Variants in IPO11 observed in about 807,000 individuals in gnomAD.
The protein encoded by IPO11 is importin 11.
Under a neutral mutation model 143.2 loss-of-function variants are expected in IPO11, and 66 were observed. The ratio of observed to expected loss-of-function variants is 0.46; its 90% CI spans 0.38 to 0.57. The LOEUF (loss-of-function observed/expected upper bound fraction) is 0.57. Among genes scored for constraint, IPO11 ranks in the 20% least tolerant of loss-of-function variants. The pLI, the probability that IPO11 is intolerant of heterozygous loss-of-function variation, is 0.00. For missense variants in IPO11, 1,026 were observed against 1,141.0 expected, an observed-to-expected ratio of 0.90 and a Z score of 1.45; for synonymous variants, 385 against 377.8, an observed-to-expected ratio of 1.02 and a Z score of -0.22.
chr5:62,439,058 CAAA>C (rs201729033), intron 2 of IPO11, among the ~76,000 whole-genome samples: 3 of 73,702 alleles, frequency 4.1e-5, no homozygotes, highest in African/African-American at 4.8e-5. Flanking sequence ...GACTCCATCT[CAAA>C]AAAAAAAAAA....
intron 3 of IPO11, among the ~76,000 whole-genome samples, chr5:62,443,751 A>G (rs1423740666): frequency 6.6e-6 from 1 of 152,204 alleles, no homozygotes; most frequent in Non-Finnish European, 1.5e-5. Context: ...ATACATTTGT[A>G]ATCACATTAG....
chr5:62,600,884 G>C (rs1745482468), intron 28 of IPO11, among the ~76,000 whole-genome samples: 2 of 152,214 alleles, frequency 1.3e-5, no homozygotes, highest in African/African-American at 4.8e-5. Context: ...AGAAACGAAA[G>C]ACACTTGTTT....
intron 27 of IPO11, among the ~76,000 whole-genome samples, chr5:62,573,508 C>T (rs552486694): frequency 6.6e-5 from 10 of 152,242 alleles, no homozygotes; most frequent in African/African-American, 2.4e-4. Flanking sequence ...TATTATACTA[C>T]ATAGTAGAAA....
intron 29 of IPO11, among the ~76,000 whole-genome samples, chr5:62,618,452 A>G (rs1158037645): frequency 1.3e-5 from 2 of 152,208 alleles, no homozygotes; most frequent in African/African-American, 4.8e-5. Context: ...AGAAGACATT[A>G]ATAATTTTAA....
chr5:62,517,483 A>T (rs910694223), intron 20 of IPO11, among the ~76,000 whole-genome samples: 2 of 151,910 alleles, frequency 1.3e-5, no homozygotes, highest in African/African-American at 4.8e-5. Flanking sequence ...GCTCACTGCA[A>T]CCTCCACCTC....
intron 1 of IPO11, among the ~76,000 whole-genome samples, chr5:62,423,622 C>T (rs1353644968): frequency 6.6e-6 from 1 of 152,154 alleles, no homozygotes; most frequent in East Asian, 1.9e-4. Flanking sequence ...GATGAACCCC[C>T]ATCTAGCCAT....
Position 62,551,318 on chromosome 5 carries a change from C to T in IPO11, c.2442C>T (p.Ala814=). 6.3e-7 allele frequency: 1 copy of T among 1,580,292 alleles called. No homozygotes were observed. Among genetic ancestry groups the T allele is most frequent in the African/African-American group, 1.3e-5 (1 of 74,172 alleles). The part of the protein sequence containing the change: ...SFFSSLLNEM[A]HKFNQEMDQL... ...TTTCTTCACTACTTAATGAGATGGC[C>T]CATAAATTTAATCAGGAGGTAAGAA... The change falls in exon 26 of 30, where the codon GCC becomes GCT. Residue 814 remains alanine, a synonymous_variant. Transcript: ENST00000325324.
intron 9 of IPO11, among the ~76,000 whole-genome samples, chr5:62,481,512 G>C (rs1477090083): frequency 6.6e-6 from 1 of 151,906 alleles, no homozygotes; most frequent in Non-Finnish European, 1.5e-5. Context: ...CATCTATTGA[G>C]ATAATCATGT....
chr5:62,436,324 AC>A (rs1327202967), intron 1 of IPO11, among the ~76,000 whole-genome samples: 2 of 152,306 alleles, frequency 1.3e-5, no homozygotes, highest in East Asian at 3.9e-4. Context: ...TAACTTTCAG[AC>A]TTTTACTGTC....
intron 27 of IPO11, chr5:62,578,776 T>C: frequency 4.5e-6 from 2 of 442,436 alleles, no homozygotes; most frequent in South Asian, 1.7e-5. Context: ...TGGTGTTTCC[T>C]GAGCAAACGG....
At chr5:62,512,490 T>A (rs200444186) in intron 19 of IPO11, 18,681 of 805,878 alleles carry the variant, frequency 0.023, 2 homozygotes, top group East Asian at 0.1. Flanking sequence ...CATAAATGAT[T>A]TAACTTTTAT....
At chr5:62,539,128 A>G (rs1422734805) in intron 24 of IPO11, among the ~76,000 whole-genome samples, 3 of 152,160 alleles carry the variant, frequency 2.0e-5, no homozygotes, top group Non-Finnish European at 2.9e-5. Context: ...ACAAAATACC[A>G]CAACCTTGGT....
chr5:62,547,039 C>A (rs1166362286), intron 24 of IPO11, among the ~76,000 whole-genome samples: 2 of 152,004 alleles, frequency 1.3e-5, no homozygotes, highest in African/African-American at 4.8e-5. Flanking sequence ...CCTAAAGATA[C>A]AAAAGAGACT....
intron 19 of IPO11, among the ~76,000 whole-genome samples, chr5:62,513,421 C>CG (rs1294133848): frequency 1.4e-5 from 2 of 141,624 alleles, no homozygotes; most frequent in African/African-American, 5.2e-5. Context: ...CTGACCCCCC[C>CG]CCCACCTCCC....
chr5:62,509,032 G>C (rs1324567638), intron 19 of IPO11, among the ~76,000 whole-genome samples: 1 of 152,182 alleles, frequency 6.6e-6, no homozygotes. Flanking sequence ...GACACATACA[G>C]TTTAATGTTG....
At chr5:62,432,490 C>T (rs1744029083) in intron 1 of IPO11, among the ~76,000 whole-genome samples, 1 of 152,138 alleles carries the variant, frequency 6.6e-6, no homozygotes, top group Admixed American at 6.5e-5. Flanking sequence ...CTGTTATGTC[C>T]CTGGAGTAGA....
At chr5:62,447,224 G>C (rs1013023713) in intron 3 of IPO11, among the ~76,000 whole-genome samples, 1 of 151,978 alleles carries the variant, frequency 6.6e-6, no homozygotes, top group African/African-American at 2.4e-5. Context: ...TTCTGCCTCA[G>C]CCTCCTGAGT....
rs537892545 is a variant in IPO11 at position 62,590,909 on chromosome 5, A to T, written c.2583-668A>T. On this transcript the variant is annotated intron_variant, in intron 27 of 29. Transcript: ENST00000325324. Reference sequence around the variant, plus strand: ...TGTCTGTTCATGTTTTTGCCTTTTTAAAAAAAAATGTTTTTGTTCTGTTTC... The same window carrying T: ...TGTCTGTTCATGTTTTTGCCTTTTTTAAAAAAAATGTTTTTGTTCTGTTTC... 3.1e-3 allele frequency among the ~76,000 whole-genome samples: 463 copies of T among 151,112 alleles called. 3 individuals carry two copies. Among genetic ancestry groups the T allele is most frequent in the South Asian group, 8.4e-3 (40 of 4,780 alleles).
At chr5:62,624,168 G>GA (rs367785274) in intron 29 of IPO11, among the ~76,000 whole-genome samples, 103 of 152,206 alleles carry the variant, frequency 6.8e-4, no homozygotes, top group African/African-American at 2.3e-3. Context: ...CCAAGTAGCT[G>GA]AGATTACAGG....
Sources: allele counts gnomAD v4.1 joint callset (sites outside exome capture counted in the v4.1 genomes callset), GRCh38; gene constraint gnomAD v4.1.1; transcripts MANE v1.5; gene names NCBI Gene and HGNC (gene_info 2026-07-23, HGNC 2026-07-21).